BCAS3: variants seen among roughly 807,000 people sequenced by gnomAD.
BCAS3 encodes the protein BCAS3 microtubule associated cell migration factor, also known as BCAS4/BCAS3 fusion.
Under a neutral mutation model 116.1 loss-of-function variants are expected in BCAS3, and 53 were observed. The observed-to-expected ratio is 0.46, with a 90% CI of 0.37 to 0.57. The LOEUF (loss-of-function observed/expected upper bound fraction) is 0.57, where lower values mean the gene tolerates loss of function less well. BCAS3 is among the 20% of genes least tolerant of loss of function. The pLI is 0.00. For missense variants in BCAS3, 917 were observed against 1,165.4 expected (o/e 0.79, Z 3.10); for synonymous variants, 391 against 408.2 (o/e 0.96, Z 0.51).
rs1354573509 is a variant in BCAS3, at chr17:61,211,987, G to T, written c.2425+127423G>T. On this transcript the variant is annotated intron_variant, in intron 22 of 23. Transcript: ENST00000407086. The surrounding 1 kb of genome is among the most constrained non-coding windows in gnomAD (Gnocchi z 4.4). ...TTTCATTGAAGAGTCTGAATATTTT[G>T]TAAGGATGTGAAGAGTTGCAAATAA... Among the ~76,000 whole-genome samples, 1 of 152,198 alleles carries T rather than the reference G, an allele frequency of 6.6e-6. No homozygotes were observed. Among genetic ancestry groups the T allele is most frequent in the Non-Finnish European group, 1.5e-5 (1 of 68,036 alleles).
chr17:60,787,328 T>A (rs192797790), intron 6 of BCAS3, among the ~76,000 whole-genome samples: 3 of 152,312 alleles, frequency 2.0e-5, no homozygotes, highest in Admixed American at 2.0e-4. Context: ...CTTCTACTGC[T>A]CTGTTTTCTT....
At chr17:61,197,081 T>G (rs1448292342) in intron 22 of BCAS3, among the ~76,000 whole-genome samples, 28 of 152,238 alleles carry the variant, frequency 1.8e-4, no homozygotes, top group Admixed American at 1.8e-3. Context: ...AAATACCGTT[T>G]TCCTGGGTTC....
At chr17:60,749,752 C>T (rs890576356) in intron 6 of BCAS3, among the ~76,000 whole-genome samples, 2 of 152,102 alleles carry the variant, frequency 1.3e-5, no homozygotes, top group African/African-American at 4.8e-5. Flanking sequence ...TCCCTTTCTT[C>T]TTTCTTGGTA....
At chr17:61,296,301 G>T (rs965000683) in intron 22 of BCAS3, among the ~76,000 whole-genome samples, 3 of 152,164 alleles carry the variant, frequency 2.0e-5, no homozygotes, top group Non-Finnish European at 2.9e-5. Flanking sequence ...TGAAACAGTT[G>T]CTGGTAAAAT....
rs2082044671 is a variant in BCAS3, at chr17:61,220,390, T to G, written c.2425+135826T>G. 1.3e-5 allele frequency among the ~76,000 whole-genome samples: 2 copies of G among 152,222 alleles called. No homozygotes were observed. Among genetic ancestry groups the G allele is most frequent in the African/African-American group, 4.8e-5 (2 of 41,466 alleles). ...TATCAGGCCCACAGCTTCTATTTTC[T>G]ATTTAATAGCTTGCCCACATTTTAG... is the stretch of plus-strand genomic sequence containing the variant. On this transcript the variant is annotated intron_variant, in intron 22 of 23. Transcript: ENST00000407086. The surrounding 1 kb of genome is among the most constrained non-coding windows in gnomAD (Gnocchi z 4.5).
chr17:60,886,761 GT>G (rs1428963927), intron 9 of BCAS3, among the ~76,000 whole-genome samples: 1 of 152,108 alleles, frequency 6.6e-6, no homozygotes, highest in Non-Finnish European at 1.5e-5. Context: ...CTGCTCGGGG[GT>G]CAGGAGTCAG....
rs1001059953 is a variant in BCAS3 at position 61,041,873 on chromosome 17, G to A, written c.2029+981G>A. Among the ~76,000 whole-genome samples the A allele has an allele frequency of 6.6e-6, 1 of 151,978 alleles. No homozygotes were observed. Among genetic ancestry groups the A allele is most frequent in the Non-Finnish European group, 1.5e-5 (1 of 67,964 alleles). Reference sequence around the variant, plus strand: ...TTTTTCTAGGGCATTTTTATTGAGTGCCTACTATGTGTGAGGCAGTTCTGA... The same window carrying A: ...TTTTTCTAGGGCATTTTTATTGAGTACCTACTATGTGTGAGGCAGTTCTGA... On this transcript the variant is annotated intron_variant, in intron 19 of 23. Transcript: ENST00000407086. This position sits in a 1 kb window ranked among gnomAD's most constrained non-coding sequence, Gnocchi z 4.7.
Position 61,180,691 on chromosome 17 carries a change from A to G in BCAS3, c.2425+96127A>G, listed in dbSNP as rs1419076122. The stretch of plus-strand genomic sequence containing the variant: ...TCAGTCCCATGCTTCGTGTCTGCAC[A>G]GTGGAACATAAAGCAGCAGCTTAGA... On this transcript the variant is annotated intron_variant, in intron 22 of 23. Coordinates refer to ENST00000407086, the MANE Select transcript of BCAS3 (RefSeq NM_017679.5). The surrounding 1 kb of genome is among the most constrained non-coding windows in gnomAD (Gnocchi z 6.0). Among the ~76,000 whole-genome samples the G allele has an allele frequency of 2.0e-5, 3 of 152,250 alleles. No homozygotes were observed. The highest frequency in any genetic ancestry group is 7.2e-5 in the African/African-American group (3 of 41,468).
chr17:60,750,072 CAGG>C (rs1277003930), intron 6 of BCAS3, among the ~76,000 whole-genome samples: 2 of 151,662 alleles, frequency 1.3e-5, no homozygotes, highest in African/African-American at 4.8e-5. Context: ...GAGGGTGAAG[CAGG>C]AGAATTGTTT....
intron 19 of BCAS3, among the ~76,000 whole-genome samples, chr17:61,071,484 A>G (rs964718590): frequency 6.6e-6 from 1 of 152,168 alleles, no homozygotes; most frequent in African/African-American, 2.4e-5. Flanking sequence ...GTTGAAATGC[A>G]GATTGTAATT....
intron 6 of BCAS3, among the ~76,000 whole-genome samples, chr17:60,788,700 T>C (rs2046496229): frequency 6.6e-6 from 1 of 152,144 alleles, no homozygotes; most frequent in South Asian, 2.1e-4. Flanking sequence ...TCCCTCTTTA[T>C]CTCATCTTCC....
chr17:60,889,912 T>C (rs895077022), intron 10 of BCAS3, 141 bp downstream of exon 10: 8 of 749,694 alleles, frequency 1.1e-5, no homozygotes, highest in Non-Finnish European at 1.7e-5. Flanking sequence ...TTGGTTTTAA[T>C]TGTGCAACTA....
chr17:61,292,657 CAAG>C (rs1278972293), intron 22 of BCAS3, among the ~76,000 whole-genome samples: 11 of 151,756 alleles, frequency 7.2e-5, no homozygotes, highest in Non-Finnish European at 1.3e-4. Context: ...TCTCAAAAAA[CAAG>C]AAAAAAGAAA....
At chr17:60,751,851 A>G (rs1002602066) in intron 6 of BCAS3, among the ~76,000 whole-genome samples, 4 of 152,072 alleles carry the variant, frequency 2.6e-5, no homozygotes, top group African/African-American at 9.7e-5. Context: ...ACTGTTTTTA[A>G]TTTCTTAAAG....
intron 12 of BCAS3, among the ~76,000 whole-genome samples, chr17:60,911,519 G>A (rs1050481559): frequency 6.6e-6 from 1 of 151,990 alleles, no homozygotes; most frequent in Non-Finnish European, 1.5e-5. Context: ...GCTGGTCTCG[G>A]ACTCCTGACC....
intron 6 of BCAS3, among the ~76,000 whole-genome samples, chr17:60,774,975 T>C (rs1220606972): frequency 6.6e-6 from 1 of 152,188 alleles, no homozygotes; most frequent in Non-Finnish European, 1.5e-5. Context: ...GGTTCAGCAT[T>C]TTGCCTTAGT....
At chr17:61,093,538 G>A (rs1252871912) in intron 22 of BCAS3, among the ~76,000 whole-genome samples, 1 of 152,136 alleles carries the variant, frequency 6.6e-6, no homozygotes, top group Non-Finnish European at 1.5e-5. Context: ...AGTGAGCTGT[G>A]ATCACGCCAC....
intron 22 of BCAS3, among the ~76,000 whole-genome samples, chr17:61,317,666 A>G (rs1174837237): frequency 6.6e-6 from 1 of 152,212 alleles, no homozygotes; most frequent in African/African-American, 2.4e-5. Flanking sequence ...TCAGCGAGAC[A>G]AGACCGATTT....
intron 19 of BCAS3, among the ~76,000 whole-genome samples, chr17:61,072,908 C>G (rs1478686938): frequency 1.3e-5 from 2 of 152,148 alleles, no homozygotes; most frequent in Non-Finnish European, 2.9e-5. Flanking sequence ...TACCTCACCT[C>G]TTTAAAATCT....
Sources: allele counts gnomAD v4.1 joint callset (sites outside exome capture counted in the v4.1 genomes callset), GRCh38; gene constraint gnomAD v4.1.1; non-coding constraint Gnocchi (gnomAD v3.1); transcripts MANE v1.5; gene names NCBI Gene and HGNC (gene_info 2026-07-23, HGNC 2026-07-21).